ADAMTS9: variants seen among roughly 807,000 people sequenced by gnomAD.
The protein encoded by ADAMTS9 is A disintegrin and metalloproteinase with thrombospondin motifs 9.
ADAMTS9 carries 107 observed loss-of-function variants against 257.1 expected under a neutral mutation model. That is an observed-to-expected ratio of 0.42 (90% CI 0.36 to 0.49). The LOEUF is 0.49. Among genes scored for constraint, ADAMTS9 ranks in the 20% least tolerant of loss-of-function variants. The probability of loss-of-function intolerance (pLI) is 0.03; values close to 1 mark genes in which losing one functional copy is unlikely to be tolerated. For synonymous variants in ADAMTS9, 982 were observed against 880.9 expected (o/e 1.11, Z -2.03); for missense variants, 2,353 against 2,469.1 (o/e 0.95, Z 1.00).
intron 6 of ADAMTS9, among the ~76,000 whole-genome samples, chr3:64,655,186 A>G (rs1374312541): frequency 6.6e-6 from 1 of 152,272 alleles, no homozygotes; most frequent in Non-Finnish European, 1.5e-5. Flanking sequence ...TGGCAACGCC[A>G]GGTCCATCTG....
At chr3:64,677,630 A>C (rs965480457) in intron 3 of ADAMTS9, among the ~76,000 whole-genome samples, 1 of 152,134 alleles carries the variant, frequency 6.6e-6, no homozygotes, top group Admixed American at 6.6e-5. Flanking sequence ...ACCTTAAAAA[A>C]CACCTACCAT....
At chr3:64,557,352 G>A (rs2083352979) in intron 30 of ADAMTS9, among the ~76,000 whole-genome samples, 1 of 152,162 alleles carries the variant, frequency 6.6e-6, no homozygotes, top group Non-Finnish European at 1.5e-5. Context: ...TGCTCTAAGT[G>A]AATTTATATG....
intron 4 of ADAMTS9, among the ~76,000 whole-genome samples, chr3:64,658,268 T>C (rs973645128): frequency 2.6e-5 from 4 of 152,230 alleles, no homozygotes; most frequent in African/African-American, 7.2e-5. Context: ...GATTCAAAAT[T>C]ATACCTTTTA....
chr3:64,618,391 A>G (rs1190134861), intron 19 of ADAMTS9, among the ~76,000 whole-genome samples: 1 of 152,214 alleles, frequency 6.6e-6, no homozygotes, highest in Non-Finnish European at 1.5e-5. Context: ...CAAATGGGAA[A>G]TTTAGAATTT....
At chr3:64,639,422 C>G (rs913091978) in intron 12 of ADAMTS9, among the ~76,000 whole-genome samples, 1 of 147,006 alleles carries the variant, frequency 6.8e-6, no homozygotes, top group Non-Finnish European at 1.5e-5. Context: ...CTTTGTTGCA[C>G]TTTGAAGCTC....
chr3:64,555,885 T>A (rs978886614), intron 30 of ADAMTS9, among the ~76,000 whole-genome samples: 1 of 152,128 alleles, frequency 6.6e-6, no homozygotes, highest in Non-Finnish European at 1.5e-5. Context: ...TGGTTTGGGA[T>A]TTTTAGAGCA....
chr3:64,533,156 A>T lies in ADAMTS9; in HGVS notation c.5718+10T>A. On this transcript the variant is annotated intron_variant, in intron 38 of 39. Coordinates refer to ENST00000498707, the MANE Select transcript of ADAMTS9 (RefSeq NM_182920.2). ...AAAATTCATCTCCCAACCCATCTGT[A>T]GAACCTTACCGGCGACTTCTTGATG... 6.2e-7 allele frequency: 1 copy of T among 1,605,008 alleles called. No individual in the cohort carries two copies. Among genetic ancestry groups the T allele is most frequent in the Non-Finnish European group, 8.5e-7 (1 of 1,171,930 alleles).
At chr3:64,528,791 T>G (rs755655086) in intron 38 of ADAMTS9, among the ~76,000 whole-genome samples, 5 of 152,240 alleles carry the variant, frequency 3.3e-5, no homozygotes, top group Non-Finnish European at 5.9e-5. Flanking sequence ...TTTATTTCAT[T>G]TATGTTTCAC....
At chr3:64,563,777 A>G (rs1422908338) in intron 29 of ADAMTS9, among the ~76,000 whole-genome samples, 5 of 152,248 alleles carry the variant, frequency 3.3e-5, no homozygotes, top group Admixed American at 1.3e-4. Context: ...AAAAGTTTCT[A>G]CATGACTTAA....
At chr3:64,558,814 G>A (rs976673740) in intron 30 of ADAMTS9, among the ~76,000 whole-genome samples, 1 of 151,992 alleles carries the variant, frequency 6.6e-6, no homozygotes, top group African/African-American at 2.4e-5. Flanking sequence ...AGAAAGAAGG[G>A]GTATCCTATA....
intron 12 of ADAMTS9, among the ~76,000 whole-genome samples, chr3:64,635,209 T>C (rs1165933922): frequency 6.6e-6 from 1 of 152,170 alleles, no homozygotes; most frequent in African/African-American, 2.4e-5. Flanking sequence ...GAGAAGCTTG[T>C]CCTGATACTG....
chr3:64,671,896 T>G (rs1701500294), intron 3 of ADAMTS9, among the ~76,000 whole-genome samples: 1 of 152,220 alleles, frequency 6.6e-6, no homozygotes, highest in African/African-American at 2.4e-5. Context: ...GATACAATTA[T>G]CATAAAGAAA....
chr3:64,644,242 T>G (rs1289125217), intron 11 of ADAMTS9, among the ~76,000 whole-genome samples: 1 of 152,174 alleles, frequency 6.6e-6, no homozygotes, highest in Non-Finnish European at 1.5e-5. Context: ...GTAGGTACTA[T>G]TATTACTTCC....
intron 28 of ADAMTS9, among the ~76,000 whole-genome samples, chr3:64,576,861 C>A (rs2083863787): frequency 6.6e-6 from 1 of 152,092 alleles, no homozygotes. Flanking sequence ...GTAGGTGGCC[C>A]TGCATATGCT....
rs1402148889 is a variant in ADAMTS9 at position 64,622,201 on chromosome 3, G to T, written c.2683C>A (p.Gln895Lys). ...GPWQACSKPC[Q>K]GERKRKLVCT... The stretch of plus-strand genomic sequence containing the variant: ...AACTCAAATTCAAAGCAGATACCTT[G>T]GCAGGGTTTACTGCATGCTTGCCAT... Residue 895 changes from glutamine (Q) to lysine (K), a missense_variant, in exon 18 of 40, where the codon CAA (glutamine) becomes AAA (lysine). Transcript: ENST00000498707. 1 of 1,611,202 alleles carries T rather than the reference G, an allele frequency of 6.2e-7. No homozygotes were observed. Among genetic ancestry groups the T allele is most frequent in the Admixed American group, 1.7e-5 (1 of 59,716 alleles).
intron 31 of ADAMTS9, 178 bp downstream of exon 31, chr3:64,550,714 T>C: frequency 1.4e-6 from 1 of 690,710 alleles, no homozygotes; most frequent in Non-Finnish European, 2.4e-6. Flanking sequence ...CCGCTTTGCA[T>C]ACAAGGAATT....
intron 37 of ADAMTS9, among the ~76,000 whole-genome samples, chr3:64,538,968 T>C (rs2083086902): frequency 6.6e-6 from 1 of 152,198 alleles, no homozygotes; most frequent in Admixed American, 6.6e-5. Flanking sequence ...TTGGCGTGTT[T>C]TGTTGAATGC....
intron 38 of ADAMTS9, among the ~76,000 whole-genome samples, chr3:64,528,462 GT>G (rs1263639639): frequency 3.9e-5 from 6 of 152,272 alleles, no homozygotes; most frequent in South Asian, 4.1e-4. Flanking sequence ...TCTAAGCAGA[GT>G]GAGGAGAAAC....
At chr3:64,638,957 G>C (rs1011565648) in intron 12 of ADAMTS9, among the ~76,000 whole-genome samples, 1 of 152,110 alleles carries the variant, frequency 6.6e-6, no homozygotes, top group African/African-American at 2.4e-5. Context: ...TATATTGTAA[G>C]GGCTCGTCGA....
Sources: gnomAD v4.1 joint callset for allele counts (sites outside exome capture counted in the v4.1 genomes callset) on GRCh38, gnomAD v4.1.1 for gene constraint, MANE v1.5 for transcripts, NCBI Gene and HGNC (gene_info 2026-07-23, HGNC 2026-07-21) for gene names.